The following ANO1 variants were observed in gnomAD, a reference collection of about 807,000 sequenced individuals.
ANO1 encodes anoctamin-1.
A neutral mutation model predicts 124.0 loss-of-function variants in ANO1; 59 were observed. The observed-to-expected ratio is 0.48, with a 90% confidence interval of 0.39 to 0.59. The LOEUF (loss-of-function observed/expected upper bound fraction) is 0.59. Among genes scored for constraint, ANO1 ranks in the 20% least tolerant of loss-of-function variants. The probability of loss-of-function intolerance (pLI) is 0.00; values close to 1 mark genes in which losing one functional copy is unlikely to be tolerated. For synonymous variants in ANO1, 529 were observed against 532.0 expected (o/e 0.99, Z 0.08); for missense variants, 1,059 against 1,328.0 (o/e 0.80, Z 3.15).
chr11:69,981,965 A>C (rs1359153973), upstream of ANO1, among the ~76,000 whole-genome samples: 11 of 152,234 alleles, frequency 7.2e-5, no homozygotes, highest in South Asian at 2.1e-4. Flanking sequence ...ATTTATATGA[A>C]ATGTCCAGAA....
At chr11:70,091,880 GGCAGATGGGCTTGGCTGAGT>G (rs1224155892) in intron 2 of ANO1, among the ~76,000 whole-genome samples, 3 of 152,226 alleles carry the variant, frequency 2.0e-5, no homozygotes, top group Admixed American at 6.5e-5. Context: ...GTGACAACCT[GGCAGATGGGCTTGGCTGAGT>G]GCACAACGGG....
At chr11:70,003,213 C>G (rs1554999614) in intron 1 of ANO1, among the ~76,000 whole-genome samples, 1 of 152,186 alleles carries the variant, frequency 6.6e-6, no homozygotes, top group African/African-American at 2.4e-5. Flanking sequence ...CAATAGGCAA[C>G]TTACCACCAA....
chr11:70,100,287 G>A (rs755575022), intron 2 of ANO1, among the ~76,000 whole-genome samples: 6 of 152,212 alleles, frequency 3.9e-5, no homozygotes, highest in South Asian at 2.1e-4. Flanking sequence ...GCCTGCGAAC[G>A]TGGCCTTGTT....
chr11:70,038,391 T>C (rs1169390535), intron 1 of ANO1, among the ~76,000 whole-genome samples: 1 of 152,204 alleles, frequency 6.6e-6, no homozygotes, highest in Non-Finnish European at 1.5e-5. Context: ...GACACAGCCA[T>C]AGGACAATTG....
intron 1 of ANO1, chr11:70,065,384 C>T (rs563864936): frequency 6.6e-6 from 1 of 152,366 alleles, no homozygotes; most frequent in Non-Finnish European, 1.5e-5. Context: ...AATGTGTTTC[C>T]TGGGCACTAC....
intron 1 of ANO1, among the ~76,000 whole-genome samples, chr11:70,053,826 A>G (rs1492514): frequency 0.62 from 93,998 of 151,984 alleles, 29,755 homozygotes; most frequent in East Asian, 0.91. Flanking sequence ...TTCTCTTTGC[A>G]AAAACAATTT....
intron 1 of ANO1, among the ~76,000 whole-genome samples, chr11:70,000,319 G>A (rs1293827938): frequency 1.9e-5 from 1 of 53,190 alleles, no homozygotes; most frequent in Non-Finnish European, 4.9e-5. Context: ...ATAGAGATGG[G>A]CCGGGGGGGG....
chr11:70,131,560 T>C (rs2046760448), intron 10 of ANO1, among the ~76,000 whole-genome samples: 1 of 152,208 alleles, frequency 6.6e-6, no homozygotes, highest in African/African-American at 2.4e-5. Flanking sequence ...ACCCCTGACC[T>C]CAGGTGATCC....
At chr11:70,087,602 C>G (rs2044432531) in intron 1 of ANO1, 150 bp from the exon 2 acceptor site, 2 of 707,374 alleles carry the variant, frequency 2.8e-6, no homozygotes, top group Non-Finnish European at 4.5e-6. Flanking sequence ...ATCTCAGGCC[C>G]TAGGACAGTG....
intron 2 of ANO1, among the ~76,000 whole-genome samples, chr11:70,089,830 C>T (rs907825750): frequency 2.6e-5 from 4 of 152,150 alleles, no homozygotes; most frequent in African/African-American, 9.7e-5. Context: ...CAGAACAATG[C>T]GGCTACTATA....
intron 1 of ANO1, among the ~76,000 whole-genome samples, chr11:69,992,138 T>A (rs1554997612): frequency 6.6e-6 from 1 of 152,062 alleles, no homozygotes; most frequent in East Asian, 1.9e-4. Context: ...GATGAATGGA[T>A]GGATGGATGA....
chr11:70,171,091 G>C (rs2048452970), intron 22 of ANO1, 52 bp downstream of exon 22: 1 of 1,579,104 alleles, frequency 6.3e-7, no homozygotes, highest in Non-Finnish European at 8.6e-7. Context: ...TGCTGGGTTT[G>C]GGGAGGGGGT....
intron 1 of ANO1, among the ~76,000 whole-genome samples, chr11:69,995,159 G>A (rs150225403): frequency 1.3e-3 from 189 of 149,822 alleles, no homozygotes; most frequent in Non-Finnish European, 2.1e-3. Context: ...GAGTGCAATG[G>A]CGTGATCTTG....
At chr11:70,008,756 G>C (rs1211328689) in intron 1 of ANO1, among the ~76,000 whole-genome samples, 2 of 152,038 alleles carry the variant, frequency 1.3e-5, no homozygotes, top group Admixed American at 1.3e-4. Flanking sequence ...AGATTTTGTG[G>C]CACATGATGA....
At chr11:70,116,357 A>G in intron 7 of ANO1, 101 bp from the exon 8 acceptor site, 3 of 1,217,990 alleles carry the variant, frequency 2.5e-6, no homozygotes, top group South Asian at 2.7e-5. Flanking sequence ...AATTTGTGTC[A>G]ACGAGAGCTG....
In ANO1 at chr11:70,005,881, C is replaced by G. The variant is rs79775241; in HGVS notation, c.58+19715C>G. ...ATTTTTAGTAGTAATTACGTGAAGA[C>G]TCTTCCTCTTTTAACTGACAGCAAT... On this transcript the variant is annotated intron_variant, in intron 1 of 27. Coordinates refer to the ANO1 transcript ENST00000531349. Among the ~76,000 whole-genome samples the G allele has an allele frequency of 7.0e-3, 1,065 of 152,354 alleles. 13 individuals carry two copies. Among genetic ancestry groups the G allele is most frequent in the African/African-American group, 0.024 (1,018 of 41,578 alleles).
At chr11:69,995,081 A>G (rs1178106658) in intron 1 of ANO1, among the ~76,000 whole-genome samples, 1 of 145,812 alleles carries the variant, frequency 6.9e-6, no homozygotes, top group African/African-American at 2.5e-5. Context: ...CTAATGCACA[A>G]ATGCTGGCAC....
intron 1 of ANO1, among the ~76,000 whole-genome samples, chr11:70,034,997 C>T (rs1857069328): frequency 6.6e-6 from 1 of 151,882 alleles, no homozygotes; most frequent in African/African-American, 2.4e-5. Flanking sequence ...TTCCTCTCTG[C>T]AGCCAAGTGG....
intron 1 of ANO1, among the ~76,000 whole-genome samples, chr11:69,992,322 G>A (rs1295518543): frequency 1.3e-5 from 2 of 152,200 alleles, no homozygotes; most frequent in South Asian, 2.1e-4. Flanking sequence ...GTAATTGATA[G>A]TTGTTGACAA....
Sources: gnomAD v4.1 joint callset for allele counts (sites outside exome capture counted in the v4.1 genomes callset) on GRCh38, gnomAD v4.1.1 for gene constraint, MANE v1.5 for transcripts, NCBI Gene and HGNC (gene_info 2026-07-23, HGNC 2026-07-21) for gene names.